The following TTR variants were observed in gnomAD, a reference collection of about 807,000 sequenced individuals.
TTR encodes the protein transthyretin.
TTR carries 8 observed loss-of-function variants against 13.7 expected under a neutral mutation model. That is an observed-to-expected ratio of 0.58 (90% CI 0.34 to 1.05). The LOEUF is 1.05. Among genes scored for constraint, TTR ranks in the 50% least tolerant of loss-of-function variants. The pLI is 0.02. For missense variants in TTR, 135 were observed against 185.5 expected, an observed-to-expected ratio of 0.73 and a Z score of 1.58; for synonymous variants, 75 against 71.7, an observed-to-expected ratio of 1.05 and a Z score of -0.23.
Position 31,592,948 on chromosome 18 carries a change from G to A in TTR, c.122G>A (p.Arg41Gln), listed in dbSNP as rs879254269. The part of the protein sequence containing the change: ...PLMVKVLDAV[R>Q]GSPAINVAVH... ...ATGGTCAAAGTTCTAGATGCTGTCCGAGGCAGTCCTGCCATCAATGTGGCC... is the reference window on the plus strand; with the variant it reads ...ATGGTCAAAGTTCTAGATGCTGTCCAAGGCAGTCCTGCCATCAATGTGGCC... The change falls in exon 2 of 4, where the codon CGA becomes CAA. Residue 41 changes from arginine to glutamine, a missense_variant. Arg to Gln is a conservative substitution (Grantham distance 43). Coordinates refer to ENST00000237014, the MANE Select transcript of TTR (RefSeq NM_000371.4). 11 of 1,614,066 alleles carry A rather than the reference G, an allele frequency of 6.8e-6. No homozygotes were observed. The highest frequency in any genetic ancestry group is 5.5e-5 in the South Asian group (5 of 91,082).
At chr18:31,595,391 AT>A in intron 3 of TTR, 136 bp downstream of exon 3, 1 of 1,251,002 alleles carries the variant, frequency 8.0e-7, no homozygotes, top group Non-Finnish European at 1.1e-6. Flanking sequence ...TCCCTTTCCT[AT>A]TATACAAGAA....
At position 31,598,799 on chromosome 18, in the gene TTR, A is replaced by G. The variant is rs757641971; in HGVS notation, c.*124A>G. 9 of 1,014,782 alleles carry G rather than the reference A, an allele frequency of 8.9e-6. No homozygotes were observed. Among genetic ancestry groups the G allele is most frequent in the South Asian group, 1.4e-5 (1 of 73,736 alleles). 62.9% of individuals were successfully genotyped at this position (1,014,782 alleles called of 1,614,324 possible). On this transcript the variant is annotated 3_prime_UTR_variant, in exon 4 of 4. Coordinates refer to ENST00000237014, the MANE Select transcript of TTR (RefSeq NM_000371.4). ...TATGTTAGAAGTCCAGGCAGAGACA[A>G]TAAAACATTCCTGTGAAAGGCACTT...
chr18:31,598,602 G>A lies in TTR; in HGVS notation c.371G>A (p.Arg124His), dbSNP rs121918095. 2.0e-4 allele frequency: 320 copies of A among 1,614,128 alleles called. 2 individuals carry two copies. The East Asian group carries it at 5.8e-3, about 29-fold the overall frequency. Reference protein sequence around the residue: ...VFTANDSGPRRYTIAALLSPY... With the variant: ...VFTANDSGPRHYTIAALLSPY... ...ACAGCCAACGACTCCGGCCCCCGCC[G>A]CTACACCATTGCCGCCCTGCTGAGC... Residue 124 changes from arginine (R) to histidine (H), a missense_variant, in exon 4 of 4, where the codon CGC becomes CAC. Coordinates refer to ENST00000237014, the MANE Select transcript of TTR (RefSeq NM_000371.4).
chr18:31,594,235 A>G (rs1156928997), intron 2 of TTR, among the ~76,000 whole-genome samples: 1 of 152,232 alleles, frequency 6.6e-6, no homozygotes, highest in Non-Finnish European at 1.5e-5. Flanking sequence ...TAGCTGTTGC[A>G]GTCAAATGGG....
chr18:31,596,935 A>G (rs907349869), intron 3 of TTR, among the ~76,000 whole-genome samples: 1 of 152,240 alleles, frequency 6.6e-6, no homozygotes, highest in Non-Finnish European at 1.5e-5. Flanking sequence ...TGCCTCCTTC[A>G]GAACTGGTCA....
chr18:31,598,509 G>T, intron 3 of TTR, 59 bp from the exon 4 acceptor site: 1 of 1,545,516 alleles, frequency 6.5e-7, no homozygotes, highest in Non-Finnish European at 8.9e-7. Context: ...AGTCATGTGT[G>T]TCATCTGTCA....
chr18:31,594,465 G>A (rs879839236), intron 2 of TTR, among the ~76,000 whole-genome samples: 1 of 152,212 alleles, frequency 6.6e-6, no homozygotes, highest in Non-Finnish European at 1.5e-5. Flanking sequence ...CACCACAAGG[G>A]AGAGGAGCGA....
chr18:31,597,431 A>T (rs1244918512), intron 3 of TTR, among the ~76,000 whole-genome samples: 1 of 152,210 alleles, frequency 6.6e-6, no homozygotes. Context: ...CCATAAGACA[A>T]AAGACATTTT....
At chr18:31,598,010 G>A (rs553220920) in intron 3 of TTR, 1 of 187,884 alleles carries the variant, frequency 5.3e-6, no homozygotes, top group Non-Finnish European at 1.2e-5. Flanking sequence ...GTTAGAAAAT[G>A]CAAAGAATAG....
At chr18:31,596,970 G>C (rs1279424889) in intron 3 of TTR, among the ~76,000 whole-genome samples, 1 of 152,124 alleles carries the variant, frequency 6.6e-6, no homozygotes, top group Non-Finnish European at 1.5e-5. Flanking sequence ...AGTGACCCAG[G>C]TGGTCATAGT....
At chr18:31,598,429 C>T in intron 3 of TTR, 139 bp from the exon 4 acceptor site, 1 of 870,596 alleles carries the variant, frequency 1.1e-6, no homozygotes, top group Non-Finnish European at 1.9e-6. Flanking sequence ...GAGCTTTTTC[C>T]TTCTGTTCAA....
At chr18:31,594,651 G>A (rs1282365249) in intron 2 of TTR, among the ~76,000 whole-genome samples, 1 of 152,098 alleles carries the variant, frequency 6.6e-6, no homozygotes, top group African/African-American at 2.4e-5. Flanking sequence ...ATCATCTGAG[G>A]TCAGGAGTTC....
intron 3 of TTR, 169 bp from the exon 4 acceptor site, chr18:31,598,399 C>A (rs2073527050): frequency 2.7e-6 from 2 of 747,020 alleles, no homozygotes; most frequent in Admixed American, 4.0e-5. Flanking sequence ...GTTCCAAAGG[C>A]TTAGCTTGCC....
intron 3 of TTR, among the ~76,000 whole-genome samples, chr18:31,596,800 G>A (rs1038767284): frequency 2.6e-5 from 4 of 152,188 alleles, no homozygotes; most frequent in African/African-American, 4.8e-5. Context: ...AAGCAGGACC[G>A]TCAGCCCAGC....
At chr18:31,592,864 G>A in intron 1 of TTR, 32 bp from the exon 2 acceptor site, 1 of 1,612,604 alleles carries the variant, frequency 6.2e-7, no homozygotes, top group Non-Finnish European at 8.5e-7. Flanking sequence ...GATCAATTTT[G>A]TTAACTTCTC....
chr18:31,593,069 T>C (rs2073495064), intron 2 of TTR, 43 bp downstream of exon 2: 9 of 1,611,686 alleles, frequency 5.6e-6, no homozygotes, highest in Non-Finnish European at 7.6e-6. Flanking sequence ...GGTTTTATCT[T>C]CCCGTTTGCC....
chr18:31,595,439 G>A, intron 3 of TTR, 184 bp downstream of exon 3: 1 of 813,342 alleles, frequency 1.2e-6, no homozygotes, highest in South Asian at 1.5e-5. Context: ...ATTTCTTTTT[G>A]ACTTTGATGA....
chr18:31,594,285 A>C (rs1287619659), intron 2 of TTR, among the ~76,000 whole-genome samples: 2 of 152,250 alleles, frequency 1.3e-5, no homozygotes, highest in Non-Finnish European at 2.9e-5. Context: ...TGGTACTTAC[A>C]TGGAAATAGA....
chr18:31,596,377 C>T (rs545632918), intron 3 of TTR, among the ~76,000 whole-genome samples: 1 of 152,270 alleles, frequency 6.6e-6, no homozygotes, highest in East Asian at 1.9e-4. Flanking sequence ...GCCCCATCTA[C>T]CAAGGAGCAT....
Sources: allele counts gnomAD v4.1 joint callset (sites outside exome capture counted in the v4.1 genomes callset), GRCh38; gene constraint gnomAD v4.1.1; transcripts MANE v1.5; gene names NCBI Gene and HGNC (gene_info 2026-07-23, HGNC 2026-07-21).